Variants in FSTL4 observed in about 807,000 individuals in gnomAD.
FSTL4 encodes follistatin like 4, also known as follistatin-related protein 4.
FSTL4 carries 28 observed loss-of-function variants against 78.2 expected under a neutral mutation model. The observed-to-expected ratio is 0.36, with a 90% CI of 0.27 to 0.49. FSTL4 has a LOEUF of 0.49. FSTL4 is among the 20% of genes least tolerant of loss of function. The pLI, the probability that FSTL4 is intolerant of heterozygous loss-of-function variation, is 0.98. For synonymous variants in FSTL4, 422 were observed against 440.5 expected, an observed-to-expected ratio of 0.96 and a Z score of 0.53; for missense variants, 922 against 1,084.9, an observed-to-expected ratio of 0.85 and a Z score of 2.11.
intron 3 of FSTL4, among the ~76,000 whole-genome samples, chr5:133,535,763 T>A (rs184065184): frequency 6.6e-6 from 1 of 152,246 alleles, no homozygotes; most frequent in African/African-American, 2.4e-5. Context: ...CCACCCAGTC[T>A]ATGACATTTT....
intron 3 of FSTL4, among the ~76,000 whole-genome samples, chr5:133,485,745 C>A (rs1758119584): frequency 6.6e-6 from 1 of 152,208 alleles, no homozygotes; most frequent in Non-Finnish European, 1.5e-5. Context: ...CTCAGCCCAG[C>A]TGCTGGCTAA....
chr5:133,386,536 A>G (rs893701758), intron 4 of FSTL4, among the ~76,000 whole-genome samples: 23 of 152,140 alleles, frequency 1.5e-4, no homozygotes, highest in Non-Finnish European at 7.4e-5. Flanking sequence ...TAGATTCCCC[A>G]TTTCTTCAGG....
intron 3 of FSTL4, among the ~76,000 whole-genome samples, chr5:133,523,883 T>C (rs897240012): frequency 1.4e-4 from 22 of 152,248 alleles, no homozygotes; most frequent in Admixed American, 1.3e-3. Flanking sequence ...CCTAGTCCAC[T>C]GTACAGACAT....
At chr5:133,216,973 A>G (rs1360241265) in intron 13 of FSTL4, among the ~76,000 whole-genome samples, 1 of 152,140 alleles carries the variant, frequency 6.6e-6, no homozygotes, top group Non-Finnish European at 1.5e-5. Flanking sequence ...CATAGTCCTT[A>G]TTACTTATAG....
At chr5:133,390,425 G>C (rs979831092) in intron 4 of FSTL4, among the ~76,000 whole-genome samples, 1 of 152,268 alleles carries the variant, frequency 6.6e-6, no homozygotes, top group South Asian at 2.1e-4. Context: ...GTTAAGCTCT[G>C]TCTTCCCTCA....
chr5:133,365,567 G>A (rs1056228193), intron 4 of FSTL4, among the ~76,000 whole-genome samples: 3 of 152,162 alleles, frequency 2.0e-5, no homozygotes, highest in African/African-American at 7.2e-5. Context: ...ATGTTCTATC[G>A]ATTTCTCCCT....
At chr5:133,480,498 A>G in intron 3 of FSTL4, among the ~76,000 whole-genome samples, 1 of 152,114 alleles carries the variant, frequency 6.6e-6, no homozygotes, top group Non-Finnish European at 1.5e-5. Flanking sequence ...AAAGTCACCA[A>G]GGTTTTGCCT....
the FSTL4 span, among the ~76,000 whole-genome samples, chr5:133,675,522 G>C: frequency 1.3e-5 from 2 of 152,156 alleles, no homozygotes; most frequent in Non-Finnish European, 2.9e-5. Flanking sequence ...TGCCCACAGG[G>C]GTGTTTATGA....
intron 3 of FSTL4, among the ~76,000 whole-genome samples, chr5:133,412,683 C>T (rs2126980965): frequency 1.3e-5 from 2 of 152,224 alleles, no homozygotes; most frequent in Middle Eastern, 3.4e-3. Flanking sequence ...TGTCCCTCTC[C>T]AGTTCTATTC....
At chr5:133,459,231 A>C (rs991535960) in intron 3 of FSTL4, among the ~76,000 whole-genome samples, 5 of 152,170 alleles carry the variant, frequency 3.3e-5, no homozygotes, top group African/African-American at 1.2e-4. Context: ...GGCTAAAAAC[A>C]AAGAGCAAAG....
intron 5 of FSTL4, among the ~76,000 whole-genome samples, chr5:133,315,491 G>A (rs1466428926): frequency 2.6e-5 from 4 of 152,150 alleles, no homozygotes; most frequent in South Asian, 2.1e-4. Flanking sequence ...CCCAATGACC[G>A]GGCCACAGCC....
intron 4 of FSTL4, among the ~76,000 whole-genome samples, chr5:133,390,695 GT>G (rs1755826761): frequency 6.6e-6 from 1 of 152,340 alleles, no homozygotes; most frequent in Admixed American, 6.5e-5. Context: ...GCTGGGAAGT[GT>G]TTACTCCTGA....
the FSTL4 span, among the ~76,000 whole-genome samples, chr5:133,721,795 A>G: frequency 6.6e-6 from 1 of 152,214 alleles, no homozygotes; most frequent in Admixed American, 6.5e-5. Flanking sequence ...ACCTTTGAGC[A>G]TCATGAATTT....
chr5:133,809,410 G>A, the FSTL4 span, among the ~76,000 whole-genome samples: 2 of 149,122 alleles, frequency 1.3e-5, no homozygotes, highest in African/African-American at 4.9e-5. Context: ...TAATGTGGTT[G>A]CTGAAGATGG....
chr5:133,335,237 G>T (rs1431341558), intron 4 of FSTL4, among the ~76,000 whole-genome samples: 1 of 152,120 alleles, frequency 6.6e-6, no homozygotes, highest in East Asian at 1.9e-4. Context: ...GGGCCTCCTT[G>T]GAGACCTCTG....
At chr5:133,771,840 A>G in the FSTL4 span, among the ~76,000 whole-genome samples, 4 of 152,332 alleles carry the variant, frequency 2.6e-5, 1 homozygote, top group Middle Eastern at 0.01. Context: ...AGATCAGATG[A>G]ACCTGCAAAC....
intron 2 of FSTL4, among the ~76,000 whole-genome samples, chr5:133,571,742 A>AT (rs1760159317): frequency 6.6e-6 from 1 of 152,220 alleles, no homozygotes; most frequent in South Asian, 2.1e-4. Flanking sequence ...TGAAAATGAA[A>AT]TAACTGAAAA....
the FSTL4 span, among the ~76,000 whole-genome samples, chr5:133,736,942 T>G: frequency 2.0e-5 from 3 of 152,130 alleles, no homozygotes; most frequent in African/African-American, 7.2e-5. Context: ...AAAAAATGTT[T>G]GTGGGTACAT....
chr5:133,496,680 G>A (rs1269671346), intron 3 of FSTL4, among the ~76,000 whole-genome samples: 5 of 152,226 alleles, frequency 3.3e-5, no homozygotes, highest in South Asian at 2.1e-4. Context: ...CACGAGGACA[G>A]TGAGGGAGGT....
Sources: gnomAD v4.1 joint callset for allele counts (sites outside exome capture counted in the v4.1 genomes callset) on GRCh38, gnomAD v4.1.1 for gene constraint, MANE v1.5 for transcripts, NCBI Gene and HGNC (gene_info 2026-07-23, HGNC 2026-07-21) for gene names.